The following ABCG2 variants were observed in gnomAD, a reference collection of about 807,000 sequenced individuals.
ABCG2 encodes ATP binding cassette subfamily G member 2 (JR blood group), also known as broad substrate specificity ATP-binding cassette transporter ABCG2.
A neutral mutation model predicts 73.5 loss-of-function variants in ABCG2; 80 were observed. The ratio of observed to expected loss-of-function variants is 1.09; its 90% CI spans 0.91 to 1.31. The LOEUF (loss-of-function observed/expected upper bound fraction) is 1.31, where lower values mean the gene tolerates loss of function less well. Ranked by LOEUF, ABCG2 falls within the 50% of genes most tolerant of loss-of-function variation. The pLI is 0.00. For missense variants in ABCG2, 796 were observed against 786.2 expected, an observed-to-expected ratio of 1.01 and a Z score of -0.15; for synonymous variants, 269 against 282.4, an observed-to-expected ratio of 0.95 and a Z score of 0.48.
chr4:88,153,498 T>G (rs1307956054), intron 1 of ABCG2, among the ~76,000 whole-genome samples: 1 of 140,720 alleles, frequency 7.1e-6, no homozygotes, highest in African/African-American at 2.5e-5. Flanking sequence ...GGTGTGTTTT[T>G]AAAAGACCAG....
At chr4:88,132,834 G>A (rs1455493872) in intron 2 of ABCG2, among the ~76,000 whole-genome samples, 199 bp from the exon 3 acceptor site, 1 of 151,998 alleles carries the variant, frequency 6.6e-6, no homozygotes, top group Non-Finnish European at 1.5e-5. Flanking sequence ...CACTCTGGGA[G>A]ACCAAAGCAG....
chr4:88,197,891 G>A (rs562335627), intron 1 of ABCG2, among the ~76,000 whole-genome samples: 134 of 151,794 alleles, frequency 8.8e-4, no homozygotes, highest in Non-Finnish European at 1.5e-3. Flanking sequence ...TTAGCCTGGC[G>A]TGGTGGCATA....
intron 1 of ABCG2, among the ~76,000 whole-genome samples, chr4:88,143,214 A>T (rs979967998): frequency 1.3e-5 from 2 of 152,156 alleles, no homozygotes; most frequent in Admixed American, 6.5e-5. Context: ...TCTTGGAACC[A>T]ATTCCCCAGG....
At chr4:88,095,463 A>T in intron 14 of ABCG2, 57 bp downstream of exon 14, 1 of 1,484,702 alleles carries the variant, frequency 6.7e-7, no homozygotes, top group Non-Finnish European at 9.4e-7. Context: ...AGGACACTTG[A>T]TTTCCATTGT....
chr4:88,216,961 G>A (rs1729837418), intron 1 of ABCG2, among the ~76,000 whole-genome samples: 1 of 151,838 alleles, frequency 6.6e-6, no homozygotes, highest in Admixed American at 6.6e-5. Context: ...AACCCGGGAG[G>A]TGGAGGTTGC....
chr4:88,189,007 A>G (rs1213887356), intron 1 of ABCG2, among the ~76,000 whole-genome samples: 1 of 125,940 alleles, frequency 7.9e-6, no homozygotes, highest in East Asian at 3.9e-4. Context: ...AAGCAAGACC[A>G]TGTTTAAACA....
intron 1 of ABCG2, among the ~76,000 whole-genome samples, chr4:88,156,897 G>C (rs1033673328): frequency 1.3e-5 from 2 of 152,138 alleles, no homozygotes; most frequent in Admixed American, 6.5e-5. Context: ...TAGAGGTCAG[G>C]AGTTCGAGAC....
intron 1 of ABCG2, among the ~76,000 whole-genome samples, chr4:88,209,545 C>G (rs1240000354): frequency 6.6e-6 from 1 of 150,982 alleles, no homozygotes; most frequent in Non-Finnish European, 1.5e-5. Flanking sequence ...CGCCTGTAAT[C>G]CCAGCTACTC....
intron 1 of ABCG2, among the ~76,000 whole-genome samples, chr4:88,184,283 G>T (rs1297303997): frequency 6.6e-6 from 1 of 152,150 alleles, no homozygotes; most frequent in Non-Finnish European, 1.5e-5. Flanking sequence ...TTTGTTGGCA[G>T]ATGATATGAT....
rs781465213 is a variant in ABCG2, at chr4:88,113,509, CTA to C, written c.986_987del (p.Ile329ArgfsTer19). ...IEPSKQDKPL[I>X]EKLAEIYVNS... ...TTGACATAAATCTCCGCTAATTTTT[CTA>C]TGAGTGGCTTATCCTGCTTGGAAGG... On this transcript the variant is annotated frameshift_variant, in exon 9 of 16. Transcript: ENST00000237612. LOFTEE classifies it high-confidence loss of function. 4 of 1,614,114 alleles carry C rather than the reference CTA, an allele frequency of 2.5e-6. No homozygotes were observed. In the South Asian group the frequency reaches 4.4e-5, roughly 18 times the overall value.
In ABCG2 at chr4:88,158,447, G is replaced by C; in HGVS notation, c.-81C>G. ...GGATCTCAGGATGCGTGCGCTCGGA[G>C]GCAGCGCTTTAACAATTAAGGATGT... On this transcript the variant is annotated 5_prime_UTR_variant, in exon 1 of 16. Coordinates refer to ENST00000237612, the MANE Select transcript of ABCG2 (RefSeq NM_004827.3). The C allele has an allele frequency of 2.2e-6, 1 of 453,460 alleles. No individual in the cohort carries two copies. Among genetic ancestry groups the C allele is most frequent in the South Asian group, 1.6e-5 (1 of 64,184 alleles). 28.1% of individuals were successfully genotyped at this position (453,460 alleles called of 1,614,324 possible). A position where few individuals can be genotyped will look rare whatever the true frequency, so the allele number is the denominator to read the frequency against.
chr4:88,199,199 C>G (rs1185563506), intron 1 of ABCG2, among the ~76,000 whole-genome samples: 1 of 151,946 alleles, frequency 6.6e-6, no homozygotes, highest in Non-Finnish European at 1.5e-5. Context: ...AAACTCCTGA[C>G]CTCAGGTGAT....
intron 1 of ABCG2, among the ~76,000 whole-genome samples, chr4:88,174,682 A>C (rs1578256228): frequency 6.6e-6 from 1 of 152,144 alleles, no homozygotes; most frequent in African/African-American, 2.4e-5. Flanking sequence ...GTGAGCCACC[A>C]TGCCCAGCTG....
At chr4:88,194,480 G>T (rs1357877222) in intron 1 of ABCG2, among the ~76,000 whole-genome samples, 5 of 138,824 alleles carry the variant, frequency 3.6e-5, no homozygotes, top group East Asian at 2.3e-4. Flanking sequence ...AACCTGGGAG[G>T]CGGAGCTTGC....
chr4:88,113,159 T>G, intron 9 of ABCG2, 144 bp downstream of exon 9: 1 of 1,147,468 alleles, frequency 8.7e-7, no homozygotes, highest in Non-Finnish European at 1.2e-6. Flanking sequence ...CCTTTATTTG[T>G]TCTGCTGACT....
intron 1 of ABCG2, among the ~76,000 whole-genome samples, chr4:88,213,984 T>C (rs76775328): frequency 9.8e-5 from 1 of 10,206 alleles, no homozygotes; most frequent in Non-Finnish European, 2.1e-4. Flanking sequence ...CGCCCGGCCT[T>C]TTTTTTTTTT....
At chr4:88,158,160 A>G (rs1369061291) in intron 1 of ABCG2, among the ~76,000 whole-genome samples, 2 of 152,184 alleles carry the variant, frequency 1.3e-5, no homozygotes, top group Non-Finnish European at 2.9e-5. Flanking sequence ...CACTTAACAC[A>G]CTATGGGACC....
At chr4:88,209,720 A>C (rs1191846913) in intron 1 of ABCG2, among the ~76,000 whole-genome samples, 1 of 152,130 alleles carries the variant, frequency 6.6e-6, no homozygotes, top group African/African-American at 2.4e-5. Flanking sequence ...TCTATAAGTA[A>C]AAAATAAAAA....
intron 1 of ABCG2, among the ~76,000 whole-genome samples, chr4:88,218,269 T>G (rs1477787155): frequency 6.6e-6 from 1 of 152,214 alleles, no homozygotes; most frequent in Non-Finnish European, 1.5e-5. Context: ...TCTGTAACCC[T>G]TCTCACCGTC....
Sources: gnomAD v4.1 joint callset for allele counts (sites outside exome capture counted in the v4.1 genomes callset) on GRCh38, gnomAD v4.1.1 for gene constraint, MANE v1.5 for transcripts, NCBI Gene and HGNC (gene_info 2026-07-23, HGNC 2026-07-21) for gene names.